TRPC4: variants seen among roughly 807,000 people sequenced by gnomAD.
TRPC4 encodes short transient receptor potential channel 4.
In TRPC4, 49 loss-of-function variants were observed where a neutral mutation model predicts 99.4. That is an observed-to-expected ratio of 0.49 (90% confidence interval 0.39 to 0.63). The LOEUF is 0.63. Ranked by LOEUF, TRPC4 falls within the 20% of genes least tolerant of loss-of-function variation. The pLI is 0.00. For synonymous variants in TRPC4, 454 were observed against 425.9 expected, an observed-to-expected ratio of 1.07 and a Z score of -0.81; for missense variants, 898 against 1,152.9, an observed-to-expected ratio of 0.78 and a Z score of 3.20.
chr13:37,678,005 A>G (rs1953116639), intron 4 of TRPC4, among the ~76,000 whole-genome samples: 1 of 152,286 alleles, frequency 6.6e-6, no homozygotes, highest in East Asian at 1.9e-4. Flanking sequence ...TTTTCAACTA[A>G]ACAATACAGT....
At chr13:37,777,198 T>C (rs1021971428) in intron 2 of TRPC4, among the ~76,000 whole-genome samples, 2 of 151,976 alleles carry the variant, frequency 1.3e-5, no homozygotes, top group African/African-American at 2.4e-5. Context: ...CATTCTCACA[T>C]TGATATAAAG....
chr13:37,717,696 A>G (rs1593579156), intron 3 of TRPC4, among the ~76,000 whole-genome samples: 1 of 151,972 alleles, frequency 6.6e-6, no homozygotes, highest in Non-Finnish European at 1.5e-5. Context: ...GGAAAATCCA[A>G]CCCTCTCTAT....
At chr13:37,715,732 C>T (rs1472259182) in intron 3 of TRPC4, among the ~76,000 whole-genome samples, 1 of 152,174 alleles carries the variant, frequency 6.6e-6, no homozygotes, top group Non-Finnish European at 1.5e-5. Flanking sequence ...TTATTACTCA[C>T]TAGATCATAA....
chr13:37,660,203 A>G (rs1952383027), intron 6 of TRPC4, among the ~76,000 whole-genome samples: 1 of 152,218 alleles, frequency 6.6e-6, no homozygotes, highest in Non-Finnish European at 1.5e-5. Flanking sequence ...TTAGGGTTAG[A>G]GTAAAGTGAG....
At chr13:37,851,364 T>C (rs1959050896) in intron 1 of TRPC4, among the ~76,000 whole-genome samples, 1 of 152,324 alleles carries the variant, frequency 6.6e-6, no homozygotes, top group Admixed American at 6.5e-5. Context: ...ATTTAAAAAT[T>C]CTTAACAAAC....
At chr13:37,854,029 C>T (rs1183572507) in intron 1 of TRPC4, among the ~76,000 whole-genome samples, 1 of 151,872 alleles carries the variant, frequency 6.6e-6, no homozygotes, top group Non-Finnish European at 1.5e-5. Context: ...GGGTAATATC[C>T]AAGAATTTCC....
At chr13:37,795,205 C>A (rs1957216138) in intron 1 of TRPC4, among the ~76,000 whole-genome samples, 1 of 150,784 alleles carries the variant, frequency 6.6e-6, no homozygotes, top group Non-Finnish European at 1.5e-5. Context: ...TAAAATAATT[C>A]ATCAAAAATG....
intron 1 of TRPC4, among the ~76,000 whole-genome samples, chr13:37,812,203 A>T (rs1025436466): frequency 2.1e-5 from 3 of 142,182 alleles, no homozygotes; most frequent in African/African-American, 7.7e-5. Flanking sequence ...AAACCAGGAG[A>T]TCTAATTGCT....
At chr13:37,817,809 G>A (rs2184127) in intron 1 of TRPC4, among the ~76,000 whole-genome samples, 43,833 of 151,730 alleles carry the variant, frequency 0.29, 6,540 homozygotes, top group East Asian at 0.43. Flanking sequence ...TTGATAAATG[G>A]CACTAGGATA....
intron 1 of TRPC4, among the ~76,000 whole-genome samples, chr13:37,820,045 C>T (rs962165574): frequency 6.6e-6 from 1 of 151,654 alleles, no homozygotes; most frequent in African/African-American, 2.4e-5. Flanking sequence ...TGATAGACTA[C>T]TAGCTAGACA....
chr13:37,706,114 A>C (rs1343762520), intron 3 of TRPC4, among the ~76,000 whole-genome samples: 1 of 152,154 alleles, frequency 6.6e-6, no homozygotes, highest in Non-Finnish European at 1.5e-5. Flanking sequence ...TATTTGAAGA[A>C]GGTCTGTCAC....
chr13:37,852,461 G>A (rs1306370503), intron 1 of TRPC4, among the ~76,000 whole-genome samples: 1 of 152,166 alleles, frequency 6.6e-6, no homozygotes, highest in Non-Finnish European at 1.5e-5. Context: ...TGAATAACCT[G>A]CAACGATCCC....
intron 2 of TRPC4, among the ~76,000 whole-genome samples, chr13:37,761,055 T>G: frequency 6.6e-6 from 1 of 151,914 alleles, no homozygotes; most frequent in East Asian, 1.9e-4. Context: ...CAGATTTATC[T>G]TAGAAAAAGG....
chr13:37,781,903 A>C (rs548624220), intron 2 of TRPC4, among the ~76,000 whole-genome samples: 1 of 134,740 alleles, frequency 7.4e-6, no homozygotes. Flanking sequence ...CCTCTAGGAA[A>C]GCAAAGAGAG....
At chr13:37,669,297 T>A (rs1477032346) in intron 5 of TRPC4, among the ~76,000 whole-genome samples, 1 of 152,158 alleles carries the variant, frequency 6.6e-6, no homozygotes, top group African/African-American at 2.4e-5. Flanking sequence ...CTGGATAATA[T>A]TTAGAAATAA....
chr13:37,823,900 A>G (rs1317056651), intron 1 of TRPC4, among the ~76,000 whole-genome samples: 1,533 of 150,224 alleles, frequency 0.01, 20 homozygotes, highest in African/African-American at 0.036. Context: ...CTTCCTACTC[A>G]TGAGCATGGA....
At chr13:37,770,595 T>C (rs1308916533) in intron 2 of TRPC4, among the ~76,000 whole-genome samples, 1 of 151,544 alleles carries the variant, frequency 6.6e-6, no homozygotes, top group Non-Finnish European at 1.5e-5. Flanking sequence ...TTCTTAAGGC[T>C]GGTAATTTAA....
intron 3 of TRPC4, among the ~76,000 whole-genome samples, chr13:37,722,548 T>C (rs543762477): frequency 1.3e-5 from 2 of 152,280 alleles, no homozygotes; most frequent in South Asian, 4.1e-4. Context: ...AACAAACACT[T>C]GGATTATTTT....
chr13:37,829,997 G>A (rs1958368120), intron 1 of TRPC4, among the ~76,000 whole-genome samples: 1 of 152,182 alleles, frequency 6.6e-6, no homozygotes, highest in African/African-American at 2.4e-5. Flanking sequence ...GCTGAGTGCA[G>A]TGGGTAAGAA....
Sources: gnomAD v4.1 joint callset for allele counts (sites outside exome capture counted in the v4.1 genomes callset) on GRCh38, gnomAD v4.1.1 for gene constraint, MANE v1.5 for transcripts, NCBI Gene and HGNC (gene_info 2026-07-23, HGNC 2026-07-21) for gene names.